The following DIS3L2 variants were observed in gnomAD, a reference collection of about 807,000 sequenced individuals.
DIS3L2 encodes the protein DIS3-like exonuclease 2.
DIS3L2 carries 34 observed loss-of-function variants against 97.5 expected under a neutral mutation model. That is an observed-to-expected ratio of 0.35 (90% CI 0.27 to 0.46). The LOEUF (loss-of-function observed/expected upper bound fraction) is 0.46. DIS3L2 is among the 20% of genes least tolerant of loss of function. DIS3L2 has a pLI of 1.00. For missense variants in DIS3L2, 1,038 were observed against 1,146.0 expected (o/e 0.91, Z 1.36); for synonymous variants, 435 against 445.2 (o/e 0.98, Z 0.29).
At chr2:232,133,284 G>A (rs1026346658) in intron 7 of DIS3L2, among the ~76,000 whole-genome samples, 1 of 152,162 alleles carries the variant, frequency 6.6e-6, no homozygotes, top group African/African-American at 2.4e-5. Flanking sequence ...AGAGACCAGC[G>A]GGAGCCCCAG....
intron 6 of DIS3L2, among the ~76,000 whole-genome samples, chr2:232,128,006 G>A (rs969165283): frequency 9.2e-5 from 14 of 151,832 alleles, no homozygotes; most frequent in Admixed American, 2.6e-4. Context: ...GCTGGAGTGC[G>A]GTGGCACGAT....
chr2:232,133,684 G>C (rs1698278849), intron 7 of DIS3L2, among the ~76,000 whole-genome samples: 1 of 151,996 alleles, frequency 6.6e-6, no homozygotes, highest in African/African-American at 2.4e-5. Flanking sequence ...TCTCAGCAAA[G>C]AGTTAGAAAT....
intron 6 of DIS3L2, among the ~76,000 whole-genome samples, chr2:232,126,375 A>G (rs1352138490): frequency 1.3e-5 from 2 of 150,828 alleles, no homozygotes; most frequent in Non-Finnish European, 3.0e-5. Context: ...CTCACGTAGA[A>G]GAAGATCAGA....
Position 232,072,873 on chromosome 2 carries a change from ATGAT to A in DIS3L2, c.367-14605_367-14602del, listed in dbSNP as rs146802193. 4.3e-3 allele frequency among the ~76,000 whole-genome samples: 648 copies of A among 150,458 alleles called. 26 individuals are homozygous for A. In the East Asian group the frequency reaches 0.096, roughly 22 times the overall value. On this transcript the variant is annotated intron_variant, in intron 5 of 20. Transcript: ENST00000325385. ...GAGGTGGGGTGGGGAAGGAAGTCGAATGATTGATTGATAAGGACTGCACAGGGAT... is the reference window on the plus strand; with the variant it reads ...GAGGTGGGGTGGGGAAGGAAGTCGAATGATTGATAAGGACTGCACAGGGAT...
Position 232,305,121 on chromosome 2 carries a change from G to T in DIS3L2, c.1739+5002G>T, listed in dbSNP as rs569820746. 1.7e-3 allele frequency among the ~76,000 whole-genome samples: 260 copies of T among 152,208 alleles called. 2 individuals carry two copies. The highest frequency in any genetic ancestry group is 5.9e-3 in the African/African-American group (244 of 41,512). On this transcript the variant is annotated intron_variant, in intron 14 of 20. Transcript: ENST00000325385. The stretch of plus-strand genomic sequence containing the variant: ...GATGGAGTCTCGCTCTGTCACCCAG[G>T]CTGGAGTGCAGTGGCGCAAACTCAG...
chr2:232,310,378 C>T (rs1695091096), intron 14 of DIS3L2, among the ~76,000 whole-genome samples: 1 of 152,202 alleles, frequency 6.6e-6, no homozygotes, highest in Non-Finnish European at 1.5e-5. Flanking sequence ...CACTGTTCCA[C>T]CACAGCCGTT....
intron 5 of DIS3L2, among the ~76,000 whole-genome samples, chr2:232,047,541 T>A (rs1193040164): frequency 1.3e-5 from 2 of 152,228 alleles, no homozygotes; most frequent in Non-Finnish European, 2.9e-5. Flanking sequence ...CAAAAATGAT[T>A]AAAATTTTAA....
chr2:232,032,062 C>A (rs1455066673), intron 5 of DIS3L2, among the ~76,000 whole-genome samples: 1 of 152,188 alleles, frequency 6.6e-6, no homozygotes, highest in African/African-American at 2.4e-5. Flanking sequence ...ATTTCTAGTT[C>A]TAGATCCTTG....
chr2:232,033,276 C>CT (rs1694861231), intron 5 of DIS3L2, among the ~76,000 whole-genome samples: 2 of 149,326 alleles, frequency 1.3e-5, no homozygotes, highest in Non-Finnish European at 3.0e-5. Context: ...TTTGGCACTC[C>CT]ATTATTGGTG....
At chr2:231,984,480 G>T (rs1318057104) in intron 1 of DIS3L2, among the ~76,000 whole-genome samples, 1 of 148,206 alleles carries the variant, frequency 6.7e-6, no homozygotes, top group Non-Finnish European at 1.5e-5. Flanking sequence ...TCCGCCTCCC[G>T]GGTTCACGCC....
intron 14 of DIS3L2, among the ~76,000 whole-genome samples, chr2:232,327,762 T>A (rs1352461525): frequency 6.6e-6 from 1 of 152,100 alleles, no homozygotes; most frequent in Admixed American, 6.5e-5. Flanking sequence ...ACAGGGCATA[T>A]TGAGGAGACC....
At chr2:232,187,541 C>G (rs566216397) in intron 9 of DIS3L2, among the ~76,000 whole-genome samples, 1 of 152,216 alleles carries the variant, frequency 6.6e-6, no homozygotes, top group Non-Finnish European at 1.5e-5. Flanking sequence ...CTCCCAGGTT[C>G]AAGCGATTCT....
intron 6 of DIS3L2, among the ~76,000 whole-genome samples, chr2:232,096,181 G>T (rs765033784): frequency 1.5e-4 from 22 of 151,302 alleles, no homozygotes; most frequent in Non-Finnish European, 3.1e-4. Context: ...CTGCCTCCTG[G>T]GTTCATGCCA....
intron 1 of DIS3L2, among the ~76,000 whole-genome samples, chr2:231,982,000 CCA>C (rs1353135430): frequency 6.6e-6 from 1 of 150,432 alleles, no homozygotes; most frequent in Non-Finnish European, 1.5e-5. Flanking sequence ...CCACTGCACT[CCA>C]GTGTGGGTGA....
chr2:232,082,488 G>C (rs1164314765), intron 5 of DIS3L2, among the ~76,000 whole-genome samples: 1 of 152,116 alleles, frequency 6.6e-6, no homozygotes. Context: ...ACTATGAACT[G>C]TGCATGCAAG....
In DIS3L2 at chr2:232,317,367, C is replaced by T. The variant is rs561780687; in HGVS notation, c.1740-12446C>T. ...TCAGCAGATGCTGGACAAATGTCTC[C>T]TGGGAGTATGCAGTATTTGCTCTTT... On this transcript the variant is annotated intron_variant, in intron 14 of 20. Coordinates refer to ENST00000325385, the MANE Select transcript of DIS3L2 (RefSeq NM_152383.5). Among the ~76,000 whole-genome samples the T allele has an allele frequency of 2.6e-5, 4 of 152,246 alleles. No individual in the cohort carries two copies. In the South Asian group the frequency reaches 6.2e-4, roughly 24 times the overall value.
intron 11 of DIS3L2, among the ~76,000 whole-genome samples, chr2:232,242,688 G>A (rs554670425): frequency 5.3e-5 from 8 of 152,330 alleles, no homozygotes; most frequent in African/African-American, 1.9e-4. Context: ...GGGCAGTGGT[G>A]TATTTACCCA....
chr2:232,076,739 T>C (rs1033468129), intron 5 of DIS3L2, among the ~76,000 whole-genome samples: 1 of 152,164 alleles, frequency 6.6e-6, no homozygotes, highest in African/African-American at 2.4e-5. Flanking sequence ...TAGAGTTGAA[T>C]TTATCATTAT....
intron 1 of DIS3L2, among the ~76,000 whole-genome samples, chr2:231,975,976 T>C (rs2106170740): frequency 6.6e-6 from 1 of 152,156 alleles, no homozygotes; most frequent in South Asian, 2.1e-4. Context: ...CCTCTTTCTC[T>C]CTTAGACATA....
Sources: allele counts gnomAD v4.1 joint callset (sites outside exome capture counted in the v4.1 genomes callset), GRCh38; gene constraint gnomAD v4.1.1; transcripts MANE v1.5; gene names NCBI Gene and HGNC (gene_info 2026-07-23, HGNC 2026-07-21).